The following DCDC2 variants were observed in gnomAD, a reference collection of about 807,000 sequenced individuals.
DCDC2 encodes the protein doublecortin domain-containing protein 2.
DCDC2 carries 40 observed loss-of-function variants against 50.2 expected under a neutral mutation model. That is an observed-to-expected ratio of 0.80 (90% CI 0.62 to 1.04). The LOEUF (loss-of-function observed/expected upper bound fraction) is 1.04. Ranked by LOEUF, DCDC2 falls within the 50% of genes least tolerant of loss-of-function variation. The pLI is 0.00. For synonymous variants in DCDC2, 234 were observed against 210.6 expected, an observed-to-expected ratio of 1.11 and a Z score of -0.96; for missense variants, 570 against 581.9, an observed-to-expected ratio of 0.98 and a Z score of 0.21.
At chr6:24,317,651 A>G (rs1238717424) in intron 2 of DCDC2, among the ~76,000 whole-genome samples, 2 of 152,042 alleles carry the variant, frequency 1.3e-5, no homozygotes, top group South Asian at 4.1e-4. Context: ...TGACTAACAT[A>G]AAAACAAAAA....
the DCDC2 span, among the ~76,000 whole-genome samples, chr6:24,379,627 C>T: frequency 4.6e-5 from 7 of 152,118 alleles, no homozygotes; most frequent in African/African-American, 1.2e-4. Context: ...TGGAAGACAG[C>T]GTGGTGATTC....
chr6:24,210,101 C>T (rs1479036614), intron 7 of DCDC2, among the ~76,000 whole-genome samples: 1 of 150,850 alleles, frequency 6.6e-6, no homozygotes, highest in Non-Finnish European at 1.5e-5. Context: ...TCTTCACCCT[C>T]CTGGTTTTAC....
At chr6:24,199,639 A>T (rs1761536310) in intron 8 of DCDC2, among the ~76,000 whole-genome samples, 2 of 152,210 alleles carry the variant, frequency 1.3e-5, no homozygotes, top group Admixed American at 1.3e-4. Context: ...CCAGCAAGGG[A>T]ACAAAACTGG....
chr6:24,326,060 G>T (rs758973203), intron 2 of DCDC2, among the ~76,000 whole-genome samples: 3 of 147,856 alleles, frequency 2.0e-5, no homozygotes, highest in Non-Finnish European at 4.5e-5. Flanking sequence ...CAAGTTTCAT[G>T]CAAAGTTCCA....
At chr6:24,198,870 C>G (rs1408951029) in intron 8 of DCDC2, among the ~76,000 whole-genome samples, 1 of 152,214 alleles carries the variant, frequency 6.6e-6, no homozygotes, top group African/African-American at 2.4e-5. Flanking sequence ...GTTTTCCCCT[C>G]ACAGTGTAAA....
At chr6:24,316,182 C>A (rs1759656816) in intron 2 of DCDC2, among the ~76,000 whole-genome samples, 1 of 152,088 alleles carries the variant, frequency 6.6e-6, no homozygotes, top group African/African-American at 2.4e-5. Flanking sequence ...CAGGCTGGGG[C>A]TCCATGAAGT....
chr6:24,362,315 G>GTATGTTT (rs1561790863), upstream of DCDC2, among the ~76,000 whole-genome samples: 19 of 106,540 alleles, frequency 1.8e-4, no homozygotes, highest in African/African-American at 7.9e-4. Flanking sequence ...ATTGTATGTT[G>GTATGTTT]ATACAATTAT....
chr6:24,309,924 G>C (rs1444550999), intron 2 of DCDC2, among the ~76,000 whole-genome samples: 1 of 152,024 alleles, frequency 6.6e-6, no homozygotes, highest in Non-Finnish European at 1.5e-5. Flanking sequence ...GAGCCCAGGA[G>C]TTCAGGACCA....
intron 2 of DCDC2, among the ~76,000 whole-genome samples, chr6:24,307,265 G>A (rs898236777): frequency 6.6e-6 from 1 of 152,188 alleles, no homozygotes; most frequent in African/African-American, 2.4e-5. Context: ...GTCTAAAGAG[G>A]TGAGGAAAGG....
At chr6:24,234,568 C>A (rs72830822) in intron 7 of DCDC2, among the ~76,000 whole-genome samples, 14,055 of 151,926 alleles carry the variant, frequency 0.093, 809 homozygotes, top group East Asian at 0.17. Context: ...ACAAGGGTGG[C>A]GGTAGAGAGG....
chr6:24,376,224 G>A, the DCDC2 span, among the ~76,000 whole-genome samples: 7 of 152,186 alleles, frequency 4.6e-5, no homozygotes, highest in East Asian at 5.8e-4. Flanking sequence ...CCTGAAATAC[G>A]TATTCAATAT....
At chr6:24,258,510 T>C (rs567769119) in intron 7 of DCDC2, among the ~76,000 whole-genome samples, 1 of 152,272 alleles carries the variant, frequency 6.6e-6, no homozygotes, top group South Asian at 2.1e-4. Flanking sequence ...TTGGTGCATT[T>C]TGCAATCCTC....
At chr6:24,289,968 CTTCTTTTTTTTTTTTTTTTT>C (rs1763704685) in intron 5 of DCDC2, among the ~76,000 whole-genome samples, 17 of 100,814 alleles carry the variant, frequency 1.7e-4, no homozygotes, top group African/African-American at 2.6e-4. Context: ...GGCCAGAGCT[CTTCTTTTTTTTTTTTTTTTT>C]TTTTTTTTTT....
At chr6:24,327,204 G>T (rs1759885836) in intron 2 of DCDC2, among the ~76,000 whole-genome samples, 2 of 149,632 alleles carry the variant, frequency 1.3e-5, no homozygotes, top group African/African-American at 4.8e-5. Flanking sequence ...CCAATTCACA[G>T]TTAAGGAAAC....
At chr6:24,353,672 G>T in intron 1 of DCDC2, 49 bp from the exon 2 acceptor site, 3 of 1,145,102 alleles carry the variant, frequency 2.6e-6, no homozygotes, top group Non-Finnish European at 2.5e-6. Flanking sequence ...TAGACTTTAA[G>T]TCAGTAATTT....
chr6:24,351,137 G>C (rs1344577977), intron 2 of DCDC2, among the ~76,000 whole-genome samples: 1 of 152,154 alleles, frequency 6.6e-6, no homozygotes, highest in East Asian at 1.9e-4. Flanking sequence ...ATTTCCAGAA[G>C]AAAAATGCTT....
At chr6:24,329,213 T>C (rs1759925728) in intron 2 of DCDC2, among the ~76,000 whole-genome samples, 1 of 152,136 alleles carries the variant, frequency 6.6e-6, no homozygotes, top group Non-Finnish European at 1.5e-5. Context: ...ACCCAAAATG[T>C]AGGCAGTAAA....
intron 2 of DCDC2, among the ~76,000 whole-genome samples, chr6:24,315,817 C>G (rs1208070480): frequency 6.6e-6 from 1 of 152,098 alleles, no homozygotes; most frequent in African/African-American, 2.4e-5. Context: ...TTATAAACAT[C>G]ACCCCAGCTG....
chr6:24,289,539 T>C (rs1162398933), intron 5 of DCDC2, among the ~76,000 whole-genome samples: 2 of 152,224 alleles, frequency 1.3e-5, no homozygotes, highest in Non-Finnish European at 2.9e-5. Context: ...CAACGTGAGT[T>C]ACAGTTTTCT....
Sources: allele counts gnomAD v4.1 joint callset (sites outside exome capture counted in the v4.1 genomes callset), GRCh38; gene constraint gnomAD v4.1.1; transcripts MANE v1.5; gene names NCBI Gene and HGNC (gene_info 2026-07-23, HGNC 2026-07-21).